XIRP2: variants seen among roughly 807,000 people sequenced by gnomAD.
XIRP2 encodes xin actin binding repeat containing 2, also known as xin actin-binding repeat-containing protein 2.
Under a neutral mutation model 277.0 loss-of-function variants are expected in XIRP2, and 236 were observed. The ratio of observed to expected loss-of-function variants is 0.85; its 90% CI spans 0.77 to 0.95. XIRP2 has a LOEUF of 0.95. XIRP2 is among the 40% of genes least tolerant of loss of function. The pLI is 0.00. For missense variants in XIRP2, 4,640 were observed against 4,157.5 expected, an observed-to-expected ratio of 1.12 and a Z score of -3.19; for synonymous variants, 1,490 against 1,416.5, an observed-to-expected ratio of 1.05 and a Z score of -1.17.
chr2:166,961,268 G>A (rs183901590), intron 2 of XIRP2, among the ~76,000 whole-genome samples: 2 of 151,794 alleles, frequency 1.3e-5, no homozygotes, highest in East Asian at 3.9e-4. Context: ...AAAGAGCTAT[G>A]ACAGAGAATA....
In XIRP2 at chr2:167,258,294, A is replaced by G. The variant is rs1336573278; in HGVS notation, c.*477A>G. 1 of 1,613,330 alleles carries G rather than the reference A, an allele frequency of 6.2e-7. No homozygotes were observed. Among genetic ancestry groups the G allele is most frequent in the Non-Finnish European group, 8.5e-7 (1 of 1,179,654 alleles). ...TTTAAAAGTGAATCTCTGCTAGAAG[A>G]TGTTAGAACTCCAGAAAATAAAGGA... On this transcript the variant is annotated 3_prime_UTR_variant, in exon 11 of 11. Transcript: ENST00000409195.
At chr2:167,018,718 T>C (rs1483616896) in intron 2 of XIRP2, among the ~76,000 whole-genome samples, 1 of 152,028 alleles carries the variant, frequency 6.6e-6, no homozygotes, top group Non-Finnish European at 1.5e-5. Context: ...TGATGTCTTT[T>C]CTTAGACAGC....
chr2:167,060,163 G>A (rs555231007), intron 2 of XIRP2, among the ~76,000 whole-genome samples: 1 of 151,964 alleles, frequency 6.6e-6, no homozygotes, highest in Non-Finnish European at 1.5e-5. Flanking sequence ...CAGATTTCTT[G>A]TTATAAAATA....
At chr2:167,182,044 T>G (rs180756355) in intron 3 of XIRP2, among the ~76,000 whole-genome samples, 72 of 152,332 alleles carry the variant, frequency 4.7e-4, no homozygotes, top group Non-Finnish European at 8.1e-4. Context: ...ATGAGTCATA[T>G]GCCCAAAGAC....
At chr2:167,197,183 C>A (rs1693545405) in intron 3 of XIRP2, among the ~76,000 whole-genome samples, 1 of 152,130 alleles carries the variant, frequency 6.6e-6, no homozygotes, top group African/African-American at 2.4e-5. Flanking sequence ...GGTTTACATG[C>A]AAGACATTTA....
intron 3 of XIRP2, among the ~76,000 whole-genome samples, chr2:167,159,367 T>C (rs1210866001): frequency 6.6e-6 from 1 of 152,220 alleles, no homozygotes; most frequent in African/African-American, 2.4e-5. Context: ...AGGAATAGAA[T>C]GATAATTGCT....
intron 2 of XIRP2, among the ~76,000 whole-genome samples, chr2:167,028,461 CAAT>C (rs1282713905): frequency 6.6e-6 from 1 of 152,048 alleles, no homozygotes; most frequent in African/African-American, 2.4e-5. Context: ...GCCACCAAGG[CAAT>C]ATCTCTATGA....
intron 2 of XIRP2, among the ~76,000 whole-genome samples, chr2:167,007,829 C>G (rs1334435558): frequency 6.6e-6 from 1 of 150,978 alleles, no homozygotes; most frequent in African/African-American, 2.4e-5. Flanking sequence ...AAGACATGAT[C>G]AAAGTGTGTA....
intron 2 of XIRP2, among the ~76,000 whole-genome samples, chr2:167,047,088 T>A (rs1688804587): frequency 6.6e-6 from 1 of 151,850 alleles, no homozygotes; most frequent in East Asian, 1.9e-4. Flanking sequence ...TAACATAGTA[T>A]TAGAGTTTTA....
chr2:167,110,963 C>T (rs1690735068), intron 2 of XIRP2, among the ~76,000 whole-genome samples: 1 of 152,048 alleles, frequency 6.6e-6, no homozygotes, highest in Non-Finnish European at 1.5e-5. Context: ...CCTGATTTGG[C>T]TCTAGGCTTG....
intron 3 of XIRP2, among the ~76,000 whole-genome samples, chr2:167,177,864 G>A (rs536712042): frequency 1.3e-5 from 2 of 152,160 alleles, no homozygotes; most frequent in African/African-American, 4.8e-5. Flanking sequence ...ACACAGGTTT[G>A]AGATTATTGA....
chr2:166,959,758 T>C (rs1048096896), intron 2 of XIRP2, among the ~76,000 whole-genome samples: 1 of 151,764 alleles, frequency 6.6e-6, no homozygotes, highest in African/African-American at 2.4e-5. Flanking sequence ...CCACAAATTA[T>C]TGCACTGAAG....
At chr2:167,178,230 TAA>T (rs1297374887) in intron 3 of XIRP2, among the ~76,000 whole-genome samples, 1 of 152,112 alleles carries the variant, frequency 6.6e-6, no homozygotes, top group Non-Finnish European at 1.5e-5. Context: ...TTACCTATAT[TAA>T]AAAGGATTGA....
chr2:166,915,319 A>G (rs1043622618), intron 2 of XIRP2, among the ~76,000 whole-genome samples: 39 of 151,036 alleles, frequency 2.6e-4, no homozygotes, highest in African/African-American at 9.0e-4. Context: ...AAAAAAAAAA[A>G]AAAGAAAAAG....
At chr2:167,126,223 C>T (rs1215520831) in intron 2 of XIRP2, among the ~76,000 whole-genome samples, 1 of 151,918 alleles carries the variant, frequency 6.6e-6, no homozygotes, top group Non-Finnish European at 1.5e-5. Context: ...TCTTTCTCTG[C>T]CACCTTGTTT....
chr2:167,147,387 T>C (rs563680362), intron 3 of XIRP2, among the ~76,000 whole-genome samples: 1 of 152,226 alleles, frequency 6.6e-6, no homozygotes, highest in East Asian at 1.9e-4. Flanking sequence ...ATAAGAGTCT[T>C]TGTGTACCTG....
chr2:167,059,788 G>C (rs146458018), intron 2 of XIRP2, among the ~76,000 whole-genome samples: 1 of 152,098 alleles, frequency 6.6e-6, no homozygotes, highest in Non-Finnish European at 1.5e-5. Context: ...CATCCCCTCC[G>C]ACACTAAATC....
chr2:167,210,587 G>T, intron 3 of XIRP2, 148 bp from the exon 4 acceptor site: 1 of 1,132,872 alleles, frequency 8.8e-7, no homozygotes, highest in Non-Finnish European at 1.2e-6. Flanking sequence ...GCTTGAAGGA[G>T]ATGACCATGA....
intron 4 of XIRP2, 51 bp downstream of exon 4, chr2:167,210,946 C>G (rs1219047103): frequency 6.3e-7 from 1 of 1,594,580 alleles, no homozygotes; most frequent in Non-Finnish European, 8.6e-7. Context: ...ACTGTCTGTC[C>G]CAATTCCCTC....
Sources: gnomAD v4.1 joint callset for allele counts (sites outside exome capture counted in the v4.1 genomes callset) on GRCh38, gnomAD v4.1.1 for gene constraint, MANE v1.5 for transcripts, NCBI Gene and HGNC (gene_info 2026-07-23, HGNC 2026-07-21) for gene names.